Variants in TAFA4 observed in about 807,000 individuals in gnomAD.
TAFA4 encodes the protein TAFA chemokine like family member 4, also known as chemokine-like protein TAFA-4.
TAFA4 carries 20 observed loss-of-function variants against 21.1 expected under a neutral mutation model. The ratio of observed to expected loss-of-function variants is 0.95; its 90% CI spans 0.67 to 1.38. TAFA4 has a LOEUF of 1.38. Among genes scored for constraint, TAFA4 ranks in the 40% most tolerant of loss-of-function variants. The probability of loss-of-function intolerance (pLI) is 0.00; values close to 1 mark genes in which losing one functional copy is unlikely to be tolerated. For synonymous variants in TAFA4, 71 were observed against 67.4 expected, an observed-to-expected ratio of 1.05 and a Z score of -0.26; for missense variants, 211 against 180.9, an observed-to-expected ratio of 1.17 and a Z score of -0.95.
chr3:68,780,386 T>C (rs1703132685), intron 3 of TAFA4, among the ~76,000 whole-genome samples: 1 of 152,156 alleles, frequency 6.6e-6, no homozygotes, highest in Admixed American at 6.5e-5. Context: ...TGGAATGATA[T>C]AGTTTGGCTG....
rs185990535 is a variant in TAFA4 at position 68,912,434 on chromosome 3, A to G, written c.-123+19806T>C. Among the ~76,000 whole-genome samples, 219 of 152,336 alleles carry G rather than the reference A, an allele frequency of 1.4e-3. 1 individual carries two copies. The highest frequency in any genetic ancestry group is 5.1e-3 in the African/African-American group (212 of 41,574). Reference sequence around the variant, plus strand: ...CTACTGGCCGCTAATTAAATGCAAAACAGGAACATTAATTTGAAATGGGAT... The same window carrying G: ...CTACTGGCCGCTAATTAAATGCAAAGCAGGAACATTAATTTGAAATGGGAT... On this transcript the variant is annotated intron_variant, in intron 1 of 5. Transcript: ENST00000295569.
At chr3:68,855,301 C>G (rs1381893765) in intron 3 of TAFA4, among the ~76,000 whole-genome samples, 1 of 152,154 alleles carries the variant, frequency 6.6e-6, no homozygotes, top group East Asian at 1.9e-4. Flanking sequence ...TTGATTTATT[C>G]TTGTACTTTA....
intron 4 of TAFA4, among the ~76,000 whole-genome samples, chr3:68,750,469 C>T (rs1428091687): frequency 3.3e-5 from 5 of 152,174 alleles, no homozygotes; most frequent in Non-Finnish European, 2.9e-5. Context: ...AATGTGATAG[C>T]ATTTGTGTAA....
At chr3:68,888,200 G>A (rs991563670) in intron 1 of TAFA4, among the ~76,000 whole-genome samples, 1 of 151,544 alleles carries the variant, frequency 6.6e-6, no homozygotes. Flanking sequence ...GTGCATGGAC[G>A]CAATTCAGCC....
intron 1 of TAFA4, among the ~76,000 whole-genome samples, chr3:68,920,300 C>CTAAATA (rs1420354867): frequency 4.6e-5 from 7 of 152,178 alleles, no homozygotes; most frequent in Non-Finnish European, 8.8e-5. Context: ...ACACACAAGA[C>CTAAATA]TGTATATTTA....
chr3:68,814,818 A>T (rs1703928163), intron 3 of TAFA4, among the ~76,000 whole-genome samples: 1 of 152,186 alleles, frequency 6.6e-6, no homozygotes. Flanking sequence ...AACTACTTTA[A>T]AGTTCATATG....
At chr3:68,892,060 A>G (rs939661904) in intron 1 of TAFA4, among the ~76,000 whole-genome samples, 8 of 152,220 alleles carry the variant, frequency 5.3e-5, no homozygotes, top group Admixed American at 2.6e-4. Context: ...ACCAACGTTT[A>G]TGTGAATATA....
At chr3:68,734,717 A>C (rs1210590810) in intron 5 of TAFA4, among the ~76,000 whole-genome samples, 4 of 152,022 alleles carry the variant, frequency 2.6e-5, no homozygotes, top group African/African-American at 4.8e-5. Context: ...TCATCTGCAA[A>C]ATAGAGATAA....
chr3:68,877,927 A>G, intron 3 of TAFA4, among the ~76,000 whole-genome samples: 1 of 152,198 alleles, frequency 6.6e-6, no homozygotes, highest in Non-Finnish European at 1.5e-5. Context: ...TTATCCCAAT[A>G]ACTCCAAATA....
chr3:68,893,445 A>C (rs76779286), intron 1 of TAFA4, among the ~76,000 whole-genome samples: 3,199 of 152,296 alleles, frequency 0.021, 48 homozygotes, highest in Middle Eastern at 0.058. Flanking sequence ...CGTGGAAGTT[A>C]AATATGTTTT....
At chr3:68,930,123 A>T (rs2107039889) in intron 1 of TAFA4, among the ~76,000 whole-genome samples, 1 of 152,324 alleles carries the variant, frequency 6.6e-6, no homozygotes, top group Non-Finnish European at 1.5e-5. Flanking sequence ...GCGGGGAGCA[A>T]AGGAGTTTCT....
At chr3:68,823,889 T>G (rs1367165579) in intron 3 of TAFA4, among the ~76,000 whole-genome samples, 1 of 152,228 alleles carries the variant, frequency 6.6e-6, no homozygotes, top group South Asian at 2.1e-4. Context: ...GTACAAATAT[T>G]ACTCTATCAC....
At chr3:68,767,948 T>TAAA (rs138206792) in intron 3 of TAFA4, among the ~76,000 whole-genome samples, 5 of 150,500 alleles carry the variant, frequency 3.3e-5, no homozygotes, top group South Asian at 4.2e-4. Context: ...ATTTTCAGGT[T>TAAA]AAAAAAAAAA....
At chr3:68,759,074 G>A (rs13070250) in intron 3 of TAFA4, among the ~76,000 whole-genome samples, 42,528 of 151,976 alleles carry the variant, frequency 0.28, 7,475 homozygotes, top group East Asian at 0.86. Flanking sequence ...CAGTCTTAAG[G>A]CCCAGCAAAA....
At chr3:68,790,189 C>A (rs1041459698) in intron 3 of TAFA4, among the ~76,000 whole-genome samples, 2 of 151,676 alleles carry the variant, frequency 1.3e-5, no homozygotes, top group African/African-American at 4.8e-5. Flanking sequence ...GAGGCTTCTA[C>A]GTTTTGCTAA....
intron 3 of TAFA4, among the ~76,000 whole-genome samples, chr3:68,756,846 A>G (rs1702668939): frequency 6.6e-6 from 1 of 152,254 alleles, no homozygotes; most frequent in Non-Finnish European, 1.5e-5. Flanking sequence ...AATTAAATAA[A>G]TAGTAATTAT....
intron 3 of TAFA4, among the ~76,000 whole-genome samples, chr3:68,853,875 T>C (rs1413124480): frequency 6.6e-6 from 1 of 152,222 alleles, no homozygotes; most frequent in East Asian, 1.9e-4. Flanking sequence ...GCTCAGAGCA[T>C]ACAGAAATAA....
chr3:68,860,147 ATAGTT>A (rs908481437), intron 3 of TAFA4, among the ~76,000 whole-genome samples: 1 of 152,138 alleles, frequency 6.6e-6, no homozygotes, highest in African/African-American at 2.4e-5. Context: ...TCCCCTTGAA[ATAGTT>A]CCTGGTAACC....
intron 3 of TAFA4, among the ~76,000 whole-genome samples, chr3:68,869,803 CA>C (rs1039133141): frequency 6.6e-6 from 1 of 151,924 alleles, no homozygotes; most frequent in Non-Finnish European, 1.5e-5. Context: ...TGGAATAAGA[CA>C]AGGATGCACA....
Sources: gnomAD v4.1 joint callset for allele counts (sites outside exome capture counted in the v4.1 genomes callset) on GRCh38, gnomAD v4.1.1 for gene constraint, MANE v1.5 for transcripts, NCBI Gene and HGNC (gene_info 2026-07-23, HGNC 2026-07-21) for gene names.